The following NOX4 variants were observed in gnomAD, a reference collection of about 807,000 sequenced individuals.
NOX4 encodes the protein kidney oxidase-1.
A neutral mutation model predicts 87.6 loss-of-function variants in NOX4; 69 were observed. That is an observed-to-expected ratio of 0.79 (90% CI 0.65 to 0.96). NOX4 has a LOEUF of 0.96. Among genes scored for constraint, NOX4 ranks in the 40% least tolerant of loss-of-function variants. The probability of loss-of-function intolerance (pLI) is 0.00; values close to 1 mark genes in which losing one functional copy is unlikely to be tolerated. For synonymous variants in NOX4, 275 were observed against 238.2 expected, an observed-to-expected ratio of 1.15 and a Z score of -1.42; for missense variants, 680 against 681.5, an observed-to-expected ratio of 1.00 and a Z score of 0.02.
At chr11:89,461,735 AAATCTCATTACAGAACATC>A (rs1455521726) in intron 2 of NOX4, among the ~76,000 whole-genome samples, 2 of 152,128 alleles carry the variant, frequency 1.3e-5, no homozygotes, top group Non-Finnish European at 2.9e-5. Flanking sequence ...GAGGGGAACA[AAATCTCATTACAGAACATC>A]TTATAAGTCA....
At chr11:89,468,950 A>G (rs1945816173) in intron 2 of NOX4, among the ~76,000 whole-genome samples, 1 of 152,040 alleles carries the variant, frequency 6.6e-6, no homozygotes, top group Non-Finnish European at 1.5e-5. Flanking sequence ...GGCTGATCTT[A>G]AACTCCTGGC....
At chr11:89,575,408 G>T in the NOX4 span, among the ~76,000 whole-genome samples, 1 of 152,132 alleles carries the variant, frequency 6.6e-6, no homozygotes, top group South Asian at 2.1e-4. Context: ...AGATAAAAGG[G>T]AAGATGAGTG....
chr11:89,418,640 G>C (rs1480549758), intron 8 of NOX4, among the ~76,000 whole-genome samples: 1 of 151,742 alleles, frequency 6.6e-6, no homozygotes, highest in Non-Finnish European at 1.5e-5. Flanking sequence ...TAACTTCCAT[G>C]GCCTCCAGAA....
chr11:89,472,341 C>A (rs1306648606), intron 2 of NOX4, among the ~76,000 whole-genome samples: 1 of 151,936 alleles, frequency 6.6e-6, no homozygotes, highest in African/African-American at 2.4e-5. Context: ...TCAAGTTGAC[C>A]TATCTTCTCA....
At chr11:89,558,171 C>T in the NOX4 span, among the ~76,000 whole-genome samples, 1 of 151,394 alleles carries the variant, frequency 6.6e-6, no homozygotes, top group South Asian at 2.1e-4. Context: ...ATTTTCTTGC[C>T]AAGCCATTAG....
At chr11:89,587,325 G>T in the NOX4 span, among the ~76,000 whole-genome samples, 554 of 152,246 alleles carry the variant, frequency 3.6e-3, 4 homozygotes, top group African/African-American at 0.013. Flanking sequence ...TAAGGAGATG[G>T]AAAACATTTT....
intron 2 of NOX4, among the ~76,000 whole-genome samples, chr11:89,457,972 G>T (rs1945282048): frequency 6.6e-6 from 1 of 151,976 alleles, no homozygotes; most frequent in Non-Finnish European, 1.5e-5. Context: ...AGTTAAAATG[G>T]CCATACTGGC....
chr11:89,479,984 C>T (rs113867504), intron 2 of NOX4, among the ~76,000 whole-genome samples: 78 of 152,064 alleles, frequency 5.1e-4, no homozygotes, highest in African/African-American at 1.8e-3. Flanking sequence ...TATTCAAGTG[C>T]CCCAGTGGGC....
chr11:89,395,532 C>A (rs1164202640), intron 11 of NOX4, among the ~76,000 whole-genome samples: 1 of 152,112 alleles, frequency 6.6e-6, no homozygotes, highest in Admixed American at 6.6e-5. Context: ...CCTATTTTGG[C>A]TTTTTTTGCT....
At chr11:89,498,533 C>G (rs967593948), upstream of NOX4, among the ~76,000 whole-genome samples, 1 of 152,082 alleles carries the variant, frequency 6.6e-6, no homozygotes, top group African/African-American at 2.4e-5. Flanking sequence ...AATTCACATA[C>G]GAATGAAAAT....
chr11:89,535,165 A>C, the NOX4 span, among the ~76,000 whole-genome samples: 1 of 152,208 alleles, frequency 6.6e-6, no homozygotes, highest in Non-Finnish European at 1.5e-5. Flanking sequence ...GAACCATTAA[A>C]TCTCAGTCCC....
intron 11 of NOX4, among the ~76,000 whole-genome samples, chr11:89,393,343 G>A (rs1428873673): frequency 6.6e-6 from 1 of 151,882 alleles, no homozygotes; most frequent in Non-Finnish European, 1.5e-5. Context: ...ATAGCTCTTT[G>A]TAATTTCTAG....
At chr11:89,525,838 G>A in the NOX4 span, among the ~76,000 whole-genome samples, 1 of 151,962 alleles carries the variant, frequency 6.6e-6, no homozygotes, top group Non-Finnish European at 1.5e-5. Flanking sequence ...TAAATTCTAT[G>A]TTTAGATTTT....
chr11:89,548,254 T>C, the NOX4 span: 1 of 152,136 alleles, frequency 6.6e-6, no homozygotes, highest in Non-Finnish European at 1.5e-5. Flanking sequence ...TGAGCCCTCA[T>C]TAATGGAATT....
At chr11:89,387,969 A>G (rs1940831746) in intron 11 of NOX4, among the ~76,000 whole-genome samples, 1 of 152,190 alleles carries the variant, frequency 6.6e-6, no homozygotes, top group Non-Finnish European at 1.5e-5. Flanking sequence ...GTAAAGCAGG[A>G]GAAGAGTCAA....
rs546349077 is a variant in NOX4, at chr11:89,402,264, G to T, written c.846+62C>A. ...TATAGCTTGAAAAACACATTTATAT[G>T]TGATGTTGATCAGTCAAATGGAAAC... On this transcript the variant is annotated intron_variant, in intron 9 of 17. Coordinates refer to ENST00000263317, the MANE Select transcript of NOX4 (RefSeq NM_016931.5). 189 of 1,194,278 alleles carry T rather than the reference G, an allele frequency of 1.6e-4. 2 individuals are homozygous for T. In the South Asian group the frequency reaches 2.0e-3, roughly 12 times the overall value. The allele number at this position is 1,194,278 out of a possible 1,614,324, so 74.0% of individuals were successfully genotyped here.
the NOX4 span, among the ~76,000 whole-genome samples, chr11:89,527,868 A>G: frequency 6.6e-6 from 1 of 152,198 alleles, no homozygotes; most frequent in Non-Finnish European, 1.5e-5. Context: ...GACACTGCCT[A>G]GTGGAGCTCT....
chr11:89,409,330 A>G (rs1942354808), intron 8 of NOX4, among the ~76,000 whole-genome samples: 1 of 152,190 alleles, frequency 6.6e-6, no homozygotes, highest in Non-Finnish European at 1.5e-5. Flanking sequence ...AAAAACTGAG[A>G]TAAAAATTAT....
At chr11:89,335,494 T>G (rs1183659678) in intron 17 of NOX4, among the ~76,000 whole-genome samples, 1 of 151,764 alleles carries the variant, frequency 6.6e-6, no homozygotes, top group Non-Finnish European at 1.5e-5. Flanking sequence ...AATTGTAAAA[T>G]TCTTTGTTTG....
Sources: gnomAD v4.1 joint callset for allele counts (sites outside exome capture counted in the v4.1 genomes callset) on GRCh38, gnomAD v4.1.1 for gene constraint, MANE v1.5 for transcripts, NCBI Gene and HGNC (gene_info 2026-07-23, HGNC 2026-07-21) for gene names.